Variants in ARHGAP39 observed in about 807,000 individuals in gnomAD.
ARHGAP39 encodes rho GTPase-activating protein 39.
A neutral mutation model predicts 106.9 loss-of-function variants in ARHGAP39; 44 were observed. That is an observed-to-expected ratio of 0.41 (90% confidence interval 0.32 to 0.53). ARHGAP39 has a LOEUF of 0.53. ARHGAP39 is among the 20% of genes least tolerant of loss of function. The pLI, the probability that ARHGAP39 is intolerant of heterozygous loss-of-function variation, is 0.21. For synonymous variants in ARHGAP39, 768 were observed against 693.2 expected, an observed-to-expected ratio of 1.11 and a Z score of -1.69; for missense variants, 1,496 against 1,577.3, an observed-to-expected ratio of 0.95 and a Z score of 0.87.
chr8:144,679,029 C>T lies in ARHGAP39; in HGVS notation c.-82+6657G>A, dbSNP rs1822317178. On this transcript the variant is annotated intron_variant, in intron 1 of 11. Transcript: ENST00000377307. The surrounding 1 kb of genome is among the most constrained non-coding windows in gnomAD (Gnocchi z 4.7). ...CATGGCAGCTGAGAGGGGGACCCAGCACGCCAAAATTCTAGGTGGTGACCA... is the reference window on the plus strand; with the variant it reads ...CATGGCAGCTGAGAGGGGGACCCAGTACGCCAAAATTCTAGGTGGTGACCA... 6.6e-6 allele frequency among the ~76,000 whole-genome samples: 1 copy of T among 152,210 alleles called. No homozygotes were observed. Among genetic ancestry groups the T allele is most frequent in the African/African-American group, 2.4e-5 (1 of 41,558 alleles).
At chr8:144,692,987 G>A in the ARHGAP39 span, among the ~76,000 whole-genome samples, 11 of 150,562 alleles carry the variant, frequency 7.3e-5, no homozygotes, top group African/African-American at 2.4e-4. Context: ...TCAAACTCCT[G>A]ACCTCAGGTG....
Position 144,591,765 on chromosome 8 carries a change from C to T in ARHGAP39, c.81-10488G>A, listed in dbSNP as rs1311903884. The stretch of plus-strand genomic sequence containing the variant: ...CAGGACCACATGGACGCAGGTCAAA[C>T]GCGGTGAGCAGTGAGGTGCCCTCGG... On this transcript the variant is annotated intron_variant, in intron 2 of 11. Transcript: ENST00000377307. This position sits in a 1 kb window ranked among gnomAD's most constrained non-coding sequence, Gnocchi z 5.3. Among the ~76,000 whole-genome samples, 3 of 152,224 alleles carry T rather than the reference C, an allele frequency of 2.0e-5. No individual in the cohort carries two copies. The highest frequency in any genetic ancestry group is 4.4e-5 in the Non-Finnish European group (3 of 68,030).
intron 1 of ARHGAP39, among the ~76,000 whole-genome samples, chr8:144,659,988 G>C (rs1821783820): frequency 1.3e-5 from 2 of 152,102 alleles, no homozygotes; most frequent in African/African-American, 4.8e-5. Context: ...ATGCCAGATG[G>C]ACATTCCTTG....
chr8:144,695,161 G>A, the ARHGAP39 span, among the ~76,000 whole-genome samples: 13 of 9,386 alleles, frequency 1.4e-3, no homozygotes, highest in African/African-American at 3.4e-3. Context: ...TGCAAGCTCC[G>A]CCTCCCGAGT....
intron 1 of ARHGAP39, among the ~76,000 whole-genome samples, chr8:144,682,246 A>G (rs1488529798): frequency 8.0e-6 from 1 of 124,842 alleles, no homozygotes; most frequent in Non-Finnish European, 1.7e-5. Flanking sequence ...CTCTATCTCA[A>G]AAAAAAAAAA....
chr8:144,640,890 A>T (rs1295746866), intron 1 of ARHGAP39, among the ~76,000 whole-genome samples: 2 of 152,154 alleles, frequency 1.3e-5, no homozygotes, highest in African/African-American at 4.8e-5. Context: ...CGATTCACAC[A>T]GTTAGTTGTC....
At chr8:144,564,387 T>C (rs1818315394) in intron 3 of ARHGAP39, among the ~76,000 whole-genome samples, 1 of 152,198 alleles carries the variant, frequency 6.6e-6, no homozygotes, top group African/African-American at 2.4e-5. Context: ...TCCCCTCATA[T>C]ATCAACAACT....
chr8:144,573,988 C>A (rs1321120256), intron 3 of ARHGAP39, among the ~76,000 whole-genome samples: 1 of 151,870 alleles, frequency 6.6e-6, no homozygotes, highest in Non-Finnish European at 1.5e-5. Context: ...GCCTGGCCAA[C>A]ATGGCAAAAC....
chr8:144,545,930 G>T, intron 5 of ARHGAP39, 120 bp from the exon 6 acceptor site: 1 of 805,854 alleles, frequency 1.2e-6, no homozygotes, highest in Non-Finnish European at 1.9e-6. Context: ...CCAGGTGAGA[G>T]CCCTGCCCTG....
intron 1 of ARHGAP39, among the ~76,000 whole-genome samples, chr8:144,672,540 C>T (rs1822125493): frequency 6.6e-6 from 1 of 152,206 alleles, no homozygotes. Flanking sequence ...ACCCTGTGTC[C>T]AGCACCCTGG....
At chr8:144,550,281 A>G (rs534899722) in intron 4 of ARHGAP39, among the ~76,000 whole-genome samples, 2 of 152,184 alleles carry the variant, frequency 1.3e-5, no homozygotes, top group Admixed American at 1.3e-4. Flanking sequence ...TCTAAAAAAA[A>G]GTAAATAAAT....
chr8:144,569,881 A>G (rs1269889084), intron 3 of ARHGAP39, among the ~76,000 whole-genome samples: 2 of 152,230 alleles, frequency 1.3e-5, no homozygotes, highest in African/African-American at 4.8e-5. Flanking sequence ...AAACACACAG[A>G]GTAGTGGGTG....
intron 2 of ARHGAP39, among the ~76,000 whole-genome samples, chr8:144,588,337 G>A (rs532956794): frequency 2.5e-4 from 38 of 152,378 alleles, no homozygotes; most frequent in Admixed American, 1.2e-3. Context: ...CAAAACCAAC[G>A]GTGATGCCAG....
At chr8:144,593,501 A>G (rs1819484857) in intron 2 of ARHGAP39, among the ~76,000 whole-genome samples, 1 of 152,224 alleles carries the variant, frequency 6.6e-6, no homozygotes, top group African/African-American at 2.4e-5. Context: ...GCGGCTCTGC[A>G]TGACCTCGGA....
At chr8:144,576,901 T>C (rs1380237255) in intron 3 of ARHGAP39, among the ~76,000 whole-genome samples, 2 of 152,226 alleles carry the variant, frequency 1.3e-5, no homozygotes, top group Non-Finnish European at 2.9e-5. Context: ...GGAGAAGTTG[T>C]TCTCCAGAGG....
intron 1 of ARHGAP39, among the ~76,000 whole-genome samples, chr8:144,664,225 C>T (rs1406529108): frequency 1.3e-5 from 2 of 152,120 alleles, no homozygotes; most frequent in Admixed American, 6.5e-5. Flanking sequence ...ATTCCAACAG[C>T]CTATCCCCTC....
chr8:144,541,103 C>T (rs893950688), intron 6 of ARHGAP39, among the ~76,000 whole-genome samples: 5 of 152,280 alleles, frequency 3.3e-5, no homozygotes, highest in Admixed American at 2.0e-4. Context: ...CACCGGCCTC[C>T]GCCTCCCAAA....
chr8:144,605,595 T>G lies in ARHGAP39; in HGVS notation c.20A>C (p.Tyr7Ser). 6.2e-7 allele frequency: 1 copy of G among 1,613,598 alleles called. No homozygotes were observed. The highest frequency in any genetic ancestry group is 8.5e-7 in the Non-Finnish European group (1 of 1,180,022). ...GTCGACATTATGGCTCCTGCACTCG[T>G]AGTCCTGCGTCTGGGACATCGCTGT... MSQTQD[Y>S]ECRSHNVDLP... The change falls in exon 2 of 12, where the codon TAC becomes TCC. Residue 7 changes from tyrosine (Y) to serine (S), a missense_variant. By Grantham distance (144) the Tyr-to-Ser change is moderately radical. Transcript: ENST00000377307.
At chr8:144,640,346 G>A (rs971724212) in intron 1 of ARHGAP39, among the ~76,000 whole-genome samples, 2 of 152,142 alleles carry the variant, frequency 1.3e-5, no homozygotes, top group South Asian at 4.1e-4. Flanking sequence ...GGAGATAATT[G>A]AATCATAGGG....
Sources: allele counts gnomAD v4.1 joint callset (sites outside exome capture counted in the v4.1 genomes callset), GRCh38; gene constraint gnomAD v4.1.1; non-coding constraint Gnocchi (gnomAD v3.1); transcripts MANE v1.5; gene names NCBI Gene and HGNC (gene_info 2026-07-23, HGNC 2026-07-21).